SRPK2: variants seen among roughly 807,000 people sequenced by gnomAD.
SRPK2 encodes SFRS protein kinase 2.
Under a neutral mutation model 90.8 loss-of-function variants are expected in SRPK2, and 21 were observed. That is an observed-to-expected ratio of 0.23 (90% CI 0.16 to 0.33). SRPK2 has a LOEUF of 0.33. SRPK2 is among the 10% of genes least tolerant of loss of function. The probability of loss-of-function intolerance (pLI) is 1.00; values close to 1 mark genes in which losing one functional copy is unlikely to be tolerated. For synonymous variants in SRPK2, 288 were observed against 311.1 expected (o/e 0.93, Z 0.78); for missense variants, 620 against 869.0 (o/e 0.71, Z 3.60).
chr7:105,169,067 A>C (rs983648312), intron 4 of SRPK2, 90 bp downstream of exon 4: 6 of 1,127,356 alleles, frequency 5.3e-6, no homozygotes, highest in Non-Finnish European at 7.9e-6. Flanking sequence ...TACCTCAACA[A>C]AGCAGTGGTG....
chr7:105,285,340 G>A (rs889255244), intron 2 of SRPK2, among the ~76,000 whole-genome samples: 1 of 133,996 alleles, frequency 7.5e-6, no homozygotes, highest in South Asian at 2.3e-4. Context: ...AGCCAACATC[G>A]TACCACTGCA....
intron 2 of SRPK2, among the ~76,000 whole-genome samples, chr7:105,252,397 A>C (rs568840419): frequency 6.6e-6 from 1 of 152,322 alleles, no homozygotes; most frequent in South Asian, 2.1e-4. Context: ...AATAAAGGAA[A>C]CAATCTTCAT....
chr7:105,287,031 G>A (rs1414174656), intron 2 of SRPK2, among the ~76,000 whole-genome samples: 2 of 151,946 alleles, frequency 1.3e-5, no homozygotes, highest in Admixed American at 6.6e-5. Context: ...GGAGGCCGAG[G>A]CGGGCGGATC....
intron 2 of SRPK2, among the ~76,000 whole-genome samples, chr7:105,239,546 G>A (rs1019728717): frequency 3.9e-5 from 6 of 152,178 alleles, no homozygotes; most frequent in Non-Finnish European, 8.8e-5. Context: ...CCTTACAAAT[G>A]CTGGAAGCAG....
At chr7:105,278,041 C>T (rs56930622) in intron 2 of SRPK2, among the ~76,000 whole-genome samples, 5,373 of 152,158 alleles carry the variant, frequency 0.035, 334 homozygotes, top group African/African-American at 0.12. Flanking sequence ...AGGCCAGGCG[C>T]GGTGGGGCTC....
At chr7:105,245,857 T>C (rs1317823613) in intron 2 of SRPK2, among the ~76,000 whole-genome samples, 3 of 152,110 alleles carry the variant, frequency 2.0e-5, no homozygotes, top group African/African-American at 7.2e-5. Flanking sequence ...TAGCCACAAC[T>C]ACAGGCACAC....
At chr7:105,300,913 T>C (rs1238243723) in intron 2 of SRPK2, among the ~76,000 whole-genome samples, 2 of 152,196 alleles carry the variant, frequency 1.3e-5, no homozygotes, top group Admixed American at 1.3e-4. Context: ...TTTTACACTG[T>C]TGGTGGGACT....
intron 2 of SRPK2, among the ~76,000 whole-genome samples, chr7:105,280,006 C>G (rs1807047364): frequency 1.3e-5 from 2 of 152,096 alleles, no homozygotes; most frequent in Non-Finnish European, 2.9e-5. Context: ...CAGATTATAT[C>G]ATAGAGTAAT....
chr7:105,139,369 G>T (rs1287007229), intron 11 of SRPK2, among the ~76,000 whole-genome samples: 1 of 152,272 alleles, frequency 6.6e-6, no homozygotes, highest in East Asian at 1.9e-4. Context: ...TACTTAGGAG[G>T]TATGACTGGC....
At chr7:105,165,600 G>A (rs957952653) in intron 6 of SRPK2, among the ~76,000 whole-genome samples, 2 of 152,186 alleles carry the variant, frequency 1.3e-5, no homozygotes, top group Admixed American at 6.5e-5. Context: ...GATTGTAAAT[G>A]CACCAATCAG....
intron 2 of SRPK2, among the ~76,000 whole-genome samples, chr7:105,296,001 G>A (rs1190619935): frequency 1.3e-5 from 2 of 152,128 alleles, no homozygotes; most frequent in Non-Finnish European, 2.9e-5. Context: ...AACCCCAAAA[G>A]GAGAAAAGTG....
intron 2 of SRPK2, chr7:105,298,755 G>C: frequency 1.0e-6 from 1 of 985,578 alleles, no homozygotes; most frequent in Non-Finnish European, 1.2e-6. Context: ...GTAGGAGACA[G>C]CAGAGGCACA....
chr7:105,209,908 T>C lies in SRPK2; in HGVS notation c.72-6123A>G, dbSNP rs1472813511. Among the ~76,000 whole-genome samples the C allele has an allele frequency of 8.5e-5, 13 of 152,272 alleles. No individual in the cohort carries two copies. The East Asian group carries it at 2.3e-3, about 27-fold the overall frequency. Reference sequence around the variant, plus strand: ...CATTACTCTAAATTTAAAATGTGGTTTAAAAAAACTTAAAAATATTTTTCT... The same window carrying C: ...CATTACTCTAAATTTAAAATGTGGTCTAAAAAAACTTAAAAATATTTTTCT... On this transcript the variant is annotated intron_variant, in intron 2 of 15. Coordinates refer to ENST00000393651, the MANE Select transcript of SRPK2 (RefSeq NM_182692.3).
At chr7:105,286,035 C>T (rs955313024) in intron 2 of SRPK2, among the ~76,000 whole-genome samples, 1 of 152,108 alleles carries the variant, frequency 6.6e-6, no homozygotes, top group Non-Finnish European at 1.5e-5. Flanking sequence ...TAAATACTAT[C>T]GCATTATCTT....
chr7:105,142,824 C>A (rs1371959534), intron 10 of SRPK2, among the ~76,000 whole-genome samples: 3 of 152,158 alleles, frequency 2.0e-5, no homozygotes, highest in Non-Finnish European at 4.4e-5. Context: ...AATAAAGCAC[C>A]ATCATTAGCA....
At chr7:105,215,128 T>C (rs1474690581) in intron 2 of SRPK2, among the ~76,000 whole-genome samples, 1 of 152,188 alleles carries the variant, frequency 6.6e-6, no homozygotes, top group African/African-American at 2.4e-5. Flanking sequence ...AACAACCGAA[T>C]ATTCACATGT....
intron 6 of SRPK2, among the ~76,000 whole-genome samples, chr7:105,161,392 A>G (rs550043483): frequency 1.3e-5 from 2 of 152,320 alleles, no homozygotes; most frequent in East Asian, 3.9e-4. Flanking sequence ...GGGAACCAGC[A>G]GATAAAAAAG....
At chr7:105,121,146 G>A (rs1584851150) in intron 15 of SRPK2, among the ~76,000 whole-genome samples, 2 of 152,178 alleles carry the variant, frequency 1.3e-5, no homozygotes, top group South Asian at 2.1e-4. Flanking sequence ...TCAGGAGTTC[G>A]AGACCAACCT....
At chr7:105,132,019 G>A (rs1212840692) in intron 13 of SRPK2, among the ~76,000 whole-genome samples, 1 of 152,176 alleles carries the variant, frequency 6.6e-6, no homozygotes, top group Admixed American at 6.5e-5. Context: ...CACAGGTTCA[G>A]GGTCAATGAC....
Sources: gnomAD v4.1 joint callset for allele counts (sites outside exome capture counted in the v4.1 genomes callset) on GRCh38, gnomAD v4.1.1 for gene constraint, MANE v1.5 for transcripts, NCBI Gene and HGNC (gene_info 2026-07-23, HGNC 2026-07-21) for gene names.